The following TAFA4 variants were observed in gnomAD, a reference collection of about 807,000 sequenced individuals.
The protein encoded by TAFA4 is TAFA chemokine like family member 4, also known as chemokine-like protein TAFA-4.
In TAFA4, 20 loss-of-function variants were observed where a neutral mutation model predicts 21.1. The ratio of observed to expected loss-of-function variants is 0.95; its 90% CI spans 0.67 to 1.38. TAFA4 has a LOEUF of 1.38. Ranked by LOEUF, TAFA4 falls within the 40% of genes most tolerant of loss-of-function variation. The pLI, the probability that TAFA4 is intolerant of heterozygous loss-of-function variation, is 0.00. For missense variants in TAFA4, 211 were observed against 180.9 expected, an observed-to-expected ratio of 1.17 and a Z score of -0.95; for synonymous variants, 71 against 67.4, an observed-to-expected ratio of 1.05 and a Z score of -0.26.
chr3:68,885,900 C>G (rs1254903330), intron 1 of TAFA4, among the ~76,000 whole-genome samples: 1 of 152,080 alleles, frequency 6.6e-6, no homozygotes, highest in Non-Finnish European at 1.5e-5. Flanking sequence ...ATTCCCTCAA[C>G]GCATAAACCT....
In TAFA4 at chr3:68,846,233, A is replaced by C. The variant is rs571601457; in HGVS notation, c.130+34497T>G. On this transcript the variant is annotated intron_variant, in intron 3 of 5. Transcript: ENST00000295569. ...CGTTCCTTTTCACTCTTTTTCCTCT[A>C]ATCTTGTCTTCATGCTCTATTTCAT... Among the ~76,000 whole-genome samples the C allele has an allele frequency of 1.1e-4, 16 of 151,534 alleles. 1 individual carries two copies. The highest frequency in any genetic ancestry group is 1.1e-3 in the Admixed American group (16 of 15,210).
At chr3:68,768,635 A>C (rs1415886228) in intron 3 of TAFA4, among the ~76,000 whole-genome samples, 1 of 152,238 alleles carries the variant, frequency 6.6e-6, no homozygotes, top group Non-Finnish European at 1.5e-5. Context: ...TGCCAAAAAA[A>C]ATAGCTGCAG....
intron 3 of TAFA4, among the ~76,000 whole-genome samples, chr3:68,773,340 G>C (rs1702992825): frequency 1.3e-5 from 2 of 152,260 alleles, no homozygotes; most frequent in South Asian, 4.1e-4. Flanking sequence ...CCTCGATGTG[G>C]AGTGTCCATA....
chr3:68,816,089 C>G (rs1703968155), intron 3 of TAFA4, among the ~76,000 whole-genome samples: 1 of 152,038 alleles, frequency 6.6e-6, no homozygotes, highest in Non-Finnish European at 1.5e-5. Flanking sequence ...ACCGCATGTT[C>G]TAACTCATAG....
intron 3 of TAFA4, among the ~76,000 whole-genome samples, chr3:68,810,752 C>T (rs1018315528): frequency 5.3e-5 from 8 of 152,214 alleles, no homozygotes; most frequent in Non-Finnish European, 8.8e-5. Flanking sequence ...GGGGGCAGGG[C>T]ATAGCCAAAC....
At chr3:68,795,515 G>C (rs1034548236) in intron 3 of TAFA4, among the ~76,000 whole-genome samples, 4 of 152,106 alleles carry the variant, frequency 2.6e-5, no homozygotes, top group Non-Finnish European at 5.9e-5. Flanking sequence ...CAAGACCCCA[G>C]TTAGGGCTAA....
At chr3:68,804,757 A>C (rs1344025254) in intron 3 of TAFA4, among the ~76,000 whole-genome samples, 1 of 152,210 alleles carries the variant, frequency 6.6e-6, no homozygotes, top group African/African-American at 2.4e-5. Flanking sequence ...CATGTGTAGA[A>C]AGCTGAAACT....
chr3:68,876,375 C>T (rs1444708041), intron 3 of TAFA4, among the ~76,000 whole-genome samples: 4 of 152,150 alleles, frequency 2.6e-5, no homozygotes, highest in Non-Finnish European at 5.9e-5. Context: ...AAGTACAATT[C>T]ATTTCTGCCG....
intron 3 of TAFA4, among the ~76,000 whole-genome samples, chr3:68,815,932 T>C (rs1454284094): frequency 1.3e-5 from 2 of 152,164 alleles, no homozygotes; most frequent in Non-Finnish European, 2.9e-5. Flanking sequence ...CCAACAATGA[T>C]AGACTGGATT....
chr3:68,849,878 AG>A (rs969928909), intron 3 of TAFA4, among the ~76,000 whole-genome samples: 1 of 152,216 alleles, frequency 6.6e-6, no homozygotes, highest in African/African-American at 2.4e-5. Flanking sequence ...ATCACATGCC[AG>A]CCCCATTCTT....
At chr3:68,860,588 T>C (rs1027046450) in intron 3 of TAFA4, among the ~76,000 whole-genome samples, 2 of 152,134 alleles carry the variant, frequency 1.3e-5, no homozygotes, top group Non-Finnish European at 2.9e-5. Flanking sequence ...CCTTCTATAT[T>C]TTTGTTACTA....
chr3:68,861,867 A>G (rs747915232), intron 3 of TAFA4, among the ~76,000 whole-genome samples: 2 of 152,086 alleles, frequency 1.3e-5, no homozygotes, highest in Admixed American at 6.6e-5. Context: ...GGTAATGGAC[A>G]TGTGATTTAC....
At chr3:68,909,133 C>A (rs534136074) in intron 1 of TAFA4, among the ~76,000 whole-genome samples, 1 of 152,190 alleles carries the variant, frequency 6.6e-6, no homozygotes, top group South Asian at 2.1e-4. Flanking sequence ...CTCTAGACAA[C>A]GCCATATGCC....
intron 3 of TAFA4, among the ~76,000 whole-genome samples, chr3:68,753,260 G>A (rs1037486476): frequency 8.6e-5 from 13 of 151,992 alleles, no homozygotes; most frequent in Admixed American, 3.9e-4. Flanking sequence ...TCAACCCCTG[G>A]GGTCACACTC....
At chr3:68,828,169 C>G (rs989713775) in intron 3 of TAFA4, among the ~76,000 whole-genome samples, 1 of 152,128 alleles carries the variant, frequency 6.6e-6, no homozygotes, top group African/African-American at 2.4e-5. Flanking sequence ...TCAGGTTTGT[C>G]AAAGATCAGA....
At chr3:68,927,293 GA>G (rs2090117311) in intron 1 of TAFA4, among the ~76,000 whole-genome samples, 1 of 152,114 alleles carries the variant, frequency 6.6e-6, no homozygotes, top group African/African-American at 2.4e-5. Flanking sequence ...AGAAAAAGAT[GA>G]AATAGAAATG....
At chr3:68,758,461 G>C (rs1160317086) in intron 3 of TAFA4, among the ~76,000 whole-genome samples, 1 of 152,122 alleles carries the variant, frequency 6.6e-6, no homozygotes, top group African/African-American at 2.4e-5. Flanking sequence ...ATAAAGGGGA[G>C]TTCCCCTGCA....
chr3:68,857,367 A>T (rs1365240343), intron 3 of TAFA4, among the ~76,000 whole-genome samples: 3 of 152,148 alleles, frequency 2.0e-5, no homozygotes, highest in African/African-American at 7.2e-5. Flanking sequence ...GCAAACATAG[A>T]AAAACAATGC....
At chr3:68,733,780 A>G (rs1179442395) in intron 5 of TAFA4, among the ~76,000 whole-genome samples, 4 of 152,186 alleles carry the variant, frequency 2.6e-5, no homozygotes, top group Non-Finnish European at 5.9e-5. Context: ...CTACACCACA[A>G]AAATATTTTT....
Sources: gnomAD v4.1 joint callset for allele counts (sites outside exome capture counted in the v4.1 genomes callset) on GRCh38, gnomAD v4.1.1 for gene constraint, MANE v1.5 for transcripts, NCBI Gene and HGNC (gene_info 2026-07-23, HGNC 2026-07-21) for gene names.